Variants in UGT1A6 observed in about 807,000 individuals in gnomAD.
The protein encoded by UGT1A6 is UDP-glucuronosyltransferase 1A6.
In UGT1A6, 32 loss-of-function variants were observed where a neutral mutation model predicts 44.4. The observed-to-expected ratio is 0.72, with a 90% CI of 0.54 to 0.97. The LOEUF is 0.97. UGT1A6 is among the 50% of genes least tolerant of loss of function. UGT1A6 has a pLI of 0.00. For missense variants in UGT1A6, 685 were observed against 661.9 expected (o/e 1.03, Z -0.38); for synonymous variants, 238 against 248.5 (o/e 0.96, Z 0.40).
chr2:233,772,688 G>A lies in UGT1A6; in HGVS notation c.*129G>A, dbSNP rs1369161059. The A allele has an allele frequency of 1.3e-6, 2 of 1,494,182 alleles. No individual in the cohort carries two copies. Among genetic ancestry groups the A allele is most frequent in the Non-Finnish European group, 1.8e-6 (2 of 1,128,718 alleles). 92.6% of individuals were successfully genotyped at this position (1,494,182 alleles called of 1,614,324 possible). A position where few individuals can be genotyped will look rare whatever the true frequency, so the allele number is the denominator to read the frequency against. Reference sequence around the variant, plus strand: ...ACTTTGCATAAATTAATCAGCCCCAGAGTGCTTTAAAAAATTCTCTTAAAT... The same window carrying A: ...ACTTTGCATAAATTAATCAGCCCCAAAGTGCTTTAAAAAATTCTCTTAAAT... On this transcript the variant is annotated 3_prime_UTR_variant, in exon 5 of 5. Transcript: ENST00000305139.
At position 233,772,550 on chromosome 2, in the gene UGT1A6, G is replaced by A. The variant is rs762374323; in HGVS notation, c.1590G>A (p.Lys530=). The change falls in exon 5 of 5, where the codon AAG becomes AAA. Residue 530 remains lysine, a synonymous_variant. Transcript: ENST00000305139. ...GAGTTAAGAAAGCCCACAAATCCAA[G>A]ACCCATTGAGAAGTGGGTGGGAAAT... ...KGRVKKAHKS[K]TH 21 of 1,613,880 alleles carry A rather than the reference G, an allele frequency of 1.3e-5. No homozygotes were observed. The highest frequency in any genetic ancestry group is 1.5e-5 in the Non-Finnish European group (18 of 1,179,970).
intron 1 of UGT1A6, among the ~76,000 whole-genome samples, chr2:233,765,022 G>A (rs976641951): frequency 6.6e-6 from 1 of 152,124 alleles, no homozygotes; most frequent in Non-Finnish European, 1.5e-5. Context: ...GGCTTGGCAG[G>A]AGTCCTGCTG....
At chr2:233,695,741 A>G (rs749917184) in intron 1 of UGT1A6, among the ~76,000 whole-genome samples, 6 of 152,186 alleles carry the variant, frequency 3.9e-5, no homozygotes, top group African/African-American at 7.2e-5. Context: ...GTTGCTGCAC[A>G]TGACAGGTCT....
intron 1 of UGT1A6, among the ~76,000 whole-genome samples, chr2:233,736,326 T>A (rs2078751393): frequency 6.6e-6 from 1 of 152,232 alleles, no homozygotes; most frequent in South Asian, 2.1e-4. Flanking sequence ...TGTGCATGTG[T>A]TATGAAGTTC....
At position 233,754,981 on chromosome 2, in the gene UGT1A6, C is replaced by G. The variant is rs561889596; in HGVS notation, c.862-12053C>G. 2.3e-6 allele frequency: 3 copies of G among 1,295,894 alleles called. No individual in the cohort carries two copies. The Admixed American group carries it at 5.7e-5, about 25-fold the overall frequency. 80.3% of individuals were successfully genotyped at this position (1,295,894 alleles called of 1,614,324 possible). ...CCAAAGAACTCCCTGAAGACCTCGG[C>G]GGGGTCACGGAAGCTGAAGACCTAC... On this transcript the variant is annotated intron_variant, in intron 1 of 4. Coordinates refer to ENST00000305139, the MANE Select transcript of UGT1A6 (RefSeq NM_001072.4).
chr2:233,735,637 A>G (rs2078674460), intron 1 of UGT1A6, among the ~76,000 whole-genome samples: 1 of 152,170 alleles, frequency 6.6e-6, no homozygotes, highest in African/African-American at 2.4e-5. Context: ...ATGTTTTTGC[A>G]GTGGCTGGTA....
At chr2:233,732,788 G>T (rs1197919428) in intron 1 of UGT1A6, among the ~76,000 whole-genome samples, 1 of 148,664 alleles carries the variant, frequency 6.7e-6, no homozygotes, top group Non-Finnish European at 1.5e-5. Context: ...GATTGTCTTG[G>T]CAATGCAGGC....
chr2:233,719,548 T>C, intron 1 of UGT1A6: 1 of 1,613,762 alleles, frequency 6.2e-7, no homozygotes, highest in Non-Finnish European at 8.5e-7. Flanking sequence ...CAGAGAGAGG[T>C]GTCAGTGGTG....
intron 1 of UGT1A6, among the ~76,000 whole-genome samples, chr2:233,707,167 C>T (rs551362724): frequency 4.5e-4 from 69 of 152,260 alleles, no homozygotes; most frequent in African/African-American, 1.6e-3. Context: ...AGCACCCAGA[C>T]ATCCATCCTG....
chr2:233,757,466 T>A (rs1362251733), intron 1 of UGT1A6, among the ~76,000 whole-genome samples: 1 of 149,346 alleles, frequency 6.7e-6, no homozygotes, highest in Non-Finnish European at 1.5e-5. Context: ...GAGCGCTTAC[T>A]GTCTCCAAAA....
intron 1 of UGT1A6, chr2:233,729,832 T>G (rs1469458626): frequency 1.2e-6 from 2 of 1,613,822 alleles, no homozygotes; most frequent in African/African-American, 1.3e-5. Context: ...AAGCCTTGCC[T>G]CTGAGCTTTT....
At chr2:233,767,649 T>C (rs965947156) in intron 2 of UGT1A6, among the ~76,000 whole-genome samples, 200 bp from the exon 3 acceptor site, 2 of 152,184 alleles carry the variant, frequency 1.3e-5, no homozygotes, top group African/African-American at 4.8e-5. Context: ...ATTCACGTAG[T>C]GCATACACCC....
rs763548038 is a variant in UGT1A6 at position 233,772,319 on chromosome 2, G to A, written c.1359G>A (p.Pro453=). The A allele has an allele frequency of 6.2e-6, 10 of 1,614,046 alleles. No homozygotes were observed. The highest frequency in any genetic ancestry group is 7.6e-6 in the Non-Finnish European group (9 of 1,180,038). The change falls in exon 5 of 5, where the codon CCG becomes CCA. Residue 453 remains proline (P), a synonymous_variant. Coordinates refer to ENST00000305139, the MANE Select transcript of UGT1A6 (RefSeq NM_001072.4). ...TTCACAAGGACCGCCCGGTGGAGCC[G>A]CTGGACCTGGCCGTGTTCTGGGTGG... ...SSLHKDRPVE[P]LDLAVFWVEF...
At chr2:233,697,870 T>C (rs568003090) in intron 1 of UGT1A6, among the ~76,000 whole-genome samples, 274 of 152,348 alleles carry the variant, frequency 1.8e-3, no homozygotes, top group African/African-American at 6.4e-3. Context: ...ATTTATTTAA[T>C]GATTTCTTAC....
At chr2:233,742,758 T>A (rs1302155264) in intron 1 of UGT1A6, 3 of 153,094 alleles carry the variant, frequency 2.0e-5, no homozygotes, top group African/African-American at 7.3e-5. Context: ...AATATTAAGA[T>A]AATAAATGCA....
chr2:233,767,049 AT>A lies in UGT1A6; in HGVS notation c.879del (p.Asn294MetfsTer71). ...KDLSQEFEAY[I>X]NASGEHGIVV... ...CTGGCTCTAGGAATTTGAAGCCTACATTAATGCTTCTGGAGAACATGGAATT... is the reference window on the plus strand; with the variant it reads ...CTGGCTCTAGGAATTTGAAGCCTACATAATGCTTCTGGAGAACATGGAATT... On this transcript the variant is annotated frameshift_variant, in exon 2 of 5. Transcript: ENST00000305139. LOFTEE classifies it high-confidence loss of function. The A allele has an allele frequency of 6.2e-7, 1 of 1,614,146 alleles. No individual in the cohort carries two copies. The highest frequency in any genetic ancestry group is 8.5e-7 in the Non-Finnish European group (1 of 1,180,002).
chr2:233,697,193 G>A (rs1354175694), intron 1 of UGT1A6, among the ~76,000 whole-genome samples: 1 of 152,116 alleles, frequency 6.6e-6, no homozygotes, highest in African/African-American at 2.4e-5. Context: ...ATTCAGCAGT[G>A]AATCCATCTG....
At chr2:233,724,792 G>A (rs992945436) in intron 1 of UGT1A6, among the ~76,000 whole-genome samples, 1 of 140,672 alleles carries the variant, frequency 7.1e-6, no homozygotes, top group Non-Finnish European at 1.5e-5. Flanking sequence ...CTTCCCAGAC[G>A]GGGTGGCGGC....
rs766058550 is a variant in UGT1A6, at chr2:233,767,176, T to C, written c.993+11T>C. 2 of 1,614,040 alleles carry C rather than the reference T, an allele frequency of 1.2e-6. No individual in the cohort carries two copies. Among genetic ancestry groups the C allele is most frequent in the Admixed American group, 1.7e-5 (1 of 60,022 alleles). Reference sequence around the variant, plus strand: ...AAAATCCCTCAGACAGTAAGAAGATTCTATACCATGGCCTCATATCTATTT... The same window carrying C: ...AAAATCCCTCAGACAGTAAGAAGATCCTATACCATGGCCTCATATCTATTT... On this transcript the variant is annotated intron_variant, in intron 2 of 4. Coordinates refer to ENST00000305139, the MANE Select transcript of UGT1A6 (RefSeq NM_001072.4).
Sources: allele counts gnomAD v4.1 joint callset (sites outside exome capture counted in the v4.1 genomes callset), GRCh38; gene constraint gnomAD v4.1.1; transcripts MANE v1.5; gene names NCBI Gene and HGNC (gene_info 2026-07-23, HGNC 2026-07-21).